Variants in UST observed in about 807,000 individuals in gnomAD.
UST encodes chondroitin sulfate 2-O-sulfotransferase.
A neutral mutation model predicts 45.6 loss-of-function variants in UST; 21 were observed. That is an observed-to-expected ratio of 0.46 (90% CI 0.33 to 0.66). The LOEUF is 0.66. UST is among the 30% of genes least tolerant of loss of function. The pLI is 0.02. For missense variants in UST, 463 were observed against 512.4 expected (o/e 0.90, Z 0.93); for synonymous variants, 215 against 200.6 (o/e 1.07, Z -0.61).
At chr6:148,942,129 T>C (rs563489575) in intron 3 of UST, among the ~76,000 whole-genome samples, 1 of 152,304 alleles carries the variant, frequency 6.6e-6, no homozygotes, top group South Asian at 2.1e-4. Context: ...TAGAGTGTTC[T>C]CATGGTCATT....
intron 7 of UST, 107 bp downstream of exon 7, chr6:149,021,588 G>A (rs1367438261): frequency 3.8e-6 from 5 of 1,330,424 alleles, no homozygotes; most frequent in South Asian, 1.5e-5. Flanking sequence ...CTCTTCTGAT[G>A]ACAAAGGGCA....
intron 7 of UST, among the ~76,000 whole-genome samples, chr6:149,061,098 G>C (rs898380013): frequency 1.8e-4 from 27 of 152,158 alleles, no homozygotes; most frequent in African/African-American, 6.5e-4. Flanking sequence ...AGTTGGTGGT[G>C]AGCTTTTGTT....
At chr6:149,051,854 A>T (rs1487687535) in intron 7 of UST, among the ~76,000 whole-genome samples, 2 of 152,240 alleles carry the variant, frequency 1.3e-5, no homozygotes, top group East Asian at 3.8e-4. Flanking sequence ...ACAGGCAAGA[A>T]GATATAGTAG....
chr6:148,953,674 A>G (rs941735275), intron 3 of UST, among the ~76,000 whole-genome samples, 198 bp from the exon 4 acceptor site: 1 of 150,602 alleles, frequency 6.6e-6, no homozygotes, highest in Admixed American at 6.6e-5. Context: ...AGAGAGGCTG[A>G]GGCAGGAGAA....
At chr6:148,909,829 A>G (rs1242435241) in intron 2 of UST, among the ~76,000 whole-genome samples, 3 of 152,218 alleles carry the variant, frequency 2.0e-5, no homozygotes, top group Non-Finnish European at 4.4e-5. Context: ...AGCAAAAATG[A>G]TGGCAGATAT....
chr6:149,039,243 T>C (rs1776277199), intron 7 of UST, among the ~76,000 whole-genome samples: 1 of 152,214 alleles, frequency 6.6e-6, no homozygotes, highest in South Asian at 2.1e-4. Context: ...ATTTGTTTTT[T>C]GAGATGGAGT....
rs116025579 is a variant in UST, at chr6:148,891,356, C to T, written c.291+4327C>T. Among the ~76,000 whole-genome samples, 652 of 152,266 alleles carry T rather than the reference C, an allele frequency of 4.3e-3. 4 individuals are homozygous for T. Among genetic ancestry groups the T allele is most frequent in the African/African-American group, 0.014 (599 of 41,530 alleles). ...TATCATTTCATATACATTGACATCC[C>T]AAACCCCATAGATAAGGAGAGCTGT... On this transcript the variant is annotated intron_variant, in intron 2 of 7. Transcript: ENST00000367463.
intron 7 of UST, among the ~76,000 whole-genome samples, chr6:149,052,653 G>A (rs753336579): frequency 6.6e-6 from 1 of 152,194 alleles, no homozygotes; most frequent in Non-Finnish European, 1.5e-5. Context: ...ATCTGAGGGA[G>A]ATGGGGTAGC....
At chr6:148,979,978 T>C (rs973554925) in intron 5 of UST, among the ~76,000 whole-genome samples, 5 of 152,194 alleles carry the variant, frequency 3.3e-5, no homozygotes, top group African/African-American at 4.8e-5. Context: ...AACTCTTTGT[T>C]TGGAATGGTG....
chr6:148,836,094 C>T (rs1377463710), intron 1 of UST, among the ~76,000 whole-genome samples: 4 of 152,158 alleles, frequency 2.6e-5, no homozygotes, highest in African/African-American at 7.2e-5. Context: ...CAGAGTTCAT[C>T]GTGTTTTGCG....
chr6:148,845,421 T>A (rs1262024751), intron 1 of UST, among the ~76,000 whole-genome samples: 1 of 152,222 alleles, frequency 6.6e-6, no homozygotes, highest in Non-Finnish European at 1.5e-5. Flanking sequence ...TGTAAAGATA[T>A]CCACTACATC....
In UST at chr6:149,075,112, C is replaced by T. The variant is rs1038049325; in HGVS notation, c.*996C>T. The T allele has an allele frequency of 6.6e-6, 1 of 152,254 alleles. No homozygotes were observed. Among genetic ancestry groups the T allele is most frequent in the African/African-American group, 2.4e-5 (1 of 41,454 alleles). The allele number at this position is 152,254 out of a possible 1,614,324, so 9.4% of individuals were successfully genotyped here. On this transcript the variant is annotated 3_prime_UTR_variant, in exon 8 of 8. Transcript: ENST00000367463. ...TGTGTCTTTTGCACCCAATATGAAA[C>T]ATCTTCTCCCAACACTGCTTTAATG... is the stretch of plus-strand genomic sequence containing the variant.
intron 1 of UST, among the ~76,000 whole-genome samples, chr6:148,830,697 A>G (rs766849933): frequency 6.6e-6 from 1 of 152,250 alleles, no homozygotes; most frequent in Non-Finnish European, 1.5e-5. Flanking sequence ...AAGTGAAAGG[A>G]GCAAGATGCA....
intron 7 of UST, among the ~76,000 whole-genome samples, chr6:149,049,381 C>A (rs192845914): frequency 9.8e-4 from 149 of 152,112 alleles, no homozygotes; most frequent in African/African-American, 3.4e-3. Flanking sequence ...ATCGTATTTA[C>A]AATATGATAC....
rs570921130 is a variant in UST, at chr6:148,813,861, C to T, written c.247+66184C>T. Among the ~76,000 whole-genome samples the T allele has an allele frequency of 4.6e-5, 7 of 152,246 alleles. No individual in the cohort carries two copies. In the South Asian group the frequency reaches 1.5e-3, roughly 32 times the overall value. On this transcript the variant is annotated intron_variant, in intron 1 of 7. Transcript: ENST00000367463. ...CAGGCAATTTTTGAAGCCTTTATTACAATCTGTGAACTAATTTAATATGTT... is the reference window on the plus strand; with the variant it reads ...CAGGCAATTTTTGAAGCCTTTATTATAATCTGTGAACTAATTTAATATGTT...
chr6:149,010,926 CTATT>C (rs1163693595), intron 5 of UST, among the ~76,000 whole-genome samples: 3 of 59,520 alleles, frequency 5.0e-5, no homozygotes, highest in Non-Finnish European at 1.3e-4. Context: ...AAAACTGTGA[CTATT>C]TATTTGTCTT....
chr6:148,971,885 G>C (rs1272260425), intron 5 of UST, among the ~76,000 whole-genome samples: 1 of 152,196 alleles, frequency 6.6e-6, no homozygotes, highest in Non-Finnish European at 1.5e-5. Context: ...GAGTACAGAA[G>C]GGCTTCAAGT....
At chr6:148,818,007 C>T (rs1000005208) in intron 1 of UST, among the ~76,000 whole-genome samples, 1 of 152,046 alleles carries the variant, frequency 6.6e-6, no homozygotes, top group South Asian at 2.1e-4. Context: ...ACTATCTGAC[C>T]CTTTACAGAA....
chr6:148,942,491 G>A (rs1780147270), intron 3 of UST, among the ~76,000 whole-genome samples: 1 of 152,172 alleles, frequency 6.6e-6, no homozygotes, highest in Non-Finnish European at 1.5e-5. Context: ...CCAGAAGGCA[G>A]AGGTTGCAGT....
Sources: gnomAD v4.1 joint callset for allele counts (sites outside exome capture counted in the v4.1 genomes callset) on GRCh38, gnomAD v4.1.1 for gene constraint, MANE v1.5 for transcripts, NCBI Gene and HGNC (gene_info 2026-07-23, HGNC 2026-07-21) for gene names.